TSPAN2: variants seen among roughly 807,000 people sequenced by gnomAD.
TSPAN2 encodes tetraspanin-2.
Under a neutral mutation model 33.3 loss-of-function variants are expected in TSPAN2, and 24 were observed. The ratio of observed to expected loss-of-function variants is 0.72; its 90% CI spans 0.52 to 1.01. TSPAN2 has a LOEUF of 1.01. TSPAN2 is among the 50% of genes least tolerant of loss of function. TSPAN2 has a pLI of 0.00. For missense variants in TSPAN2, 278 were observed against 281.3 expected (o/e 0.99, Z 0.08); for synonymous variants, 114 against 104.5 (o/e 1.09, Z -0.56).
chr1:115,063,833 C>A (rs1337288580), intron 2 of TSPAN2, among the ~76,000 whole-genome samples: 1 of 152,146 alleles, frequency 6.6e-6, no homozygotes, highest in African/African-American at 2.4e-5. Context: ...CATGTTCTCA[C>A]TTATAAGTAG....
rs952209910 is a variant in TSPAN2 at position 115,048,362 on chromosome 1, C to G, written c.*2128G>C. ...GTGTGTGTGTATATATATCCACACA[C>G]ACATATAAAATCTATTGTTGCTTAG... On this transcript the variant is annotated 3_prime_UTR_variant, in exon 8 of 8. Transcript: ENST00000369516. 6.6e-6 allele frequency: 1 copy of G among 150,786 alleles called. No individual in the cohort carries two copies. Among genetic ancestry groups the G allele is most frequent in the Non-Finnish European group, 1.5e-5 (1 of 67,626 alleles). The allele number at this position is 150,786 out of a possible 1,614,324, so 9.3% of individuals were successfully genotyped here. A position where few individuals can be genotyped will look rare whatever the true frequency, so the allele number is the denominator to read the frequency against.
chr1:115,049,120 G>A lies in TSPAN2; in HGVS notation c.*1370C>T, dbSNP rs894850747. ...AAATGTAGTTTTTAAAAAATCTATGGTTTACTAAATGTAACACGTTAAAAA... is the reference window on the plus strand; with the variant it reads ...AAATGTAGTTTTTAAAAAATCTATGATTTACTAAATGTAACACGTTAAAAA... On this transcript the variant is annotated 3_prime_UTR_variant, in exon 8 of 8. Coordinates refer to ENST00000369516, the MANE Select transcript of TSPAN2 (RefSeq NM_005725.6). 1.3e-5 allele frequency: 2 copies of A among 151,914 alleles called. No homozygotes were observed. The highest frequency in any genetic ancestry group is 2.9e-5 in the Non-Finnish European group (2 of 67,950). The allele number at this position is 151,914 out of a possible 1,614,324, so 9.4% of individuals were successfully genotyped here. A position where few individuals can be genotyped will look rare whatever the true frequency, so the allele number is the denominator to read the frequency against.
chr1:115,053,325 A>G, intron 7 of TSPAN2, 54 bp downstream of exon 7: 1 of 1,510,938 alleles, frequency 6.6e-7, no homozygotes, highest in Non-Finnish European at 9.2e-7. Flanking sequence ...AATAAGATGC[A>G]AAGTTTCAAG....
At chr1:115,062,060 A>G (rs11102881) in intron 3 of TSPAN2, 75 bp downstream of exon 3, 367,548 of 1,272,364 alleles carry the variant, frequency 0.29, 55,736 homozygotes, top group East Asian at 0.44. Context: ...GCCAGGGGCC[A>G]GAGGCACTGA....
At chr1:115,050,670 A>T (rs187128724) in intron 7 of TSPAN2, 115 bp from the exon 8 acceptor site, 814 of 791,262 alleles carry the variant, frequency 1.0e-3, no homozygotes, top group Non-Finnish European at 1.0e-3. Flanking sequence ...ACCAATAATT[A>T]CCAGTCACAA....
At chr1:115,059,095 A>G in intron 4 of TSPAN2, 114 bp from the exon 5 acceptor site, 1 of 818,036 alleles carries the variant, frequency 1.2e-6, no homozygotes, top group Non-Finnish European at 2.0e-6. Context: ...CCTTTCTCAT[A>G]AGAATGATAC....
intron 1 of TSPAN2, among the ~76,000 whole-genome samples, chr1:115,087,215 G>C (rs1458350287): frequency 6.6e-6 from 1 of 152,006 alleles, no homozygotes; most frequent in Non-Finnish European, 1.5e-5. Flanking sequence ...CACTGTGCCC[G>C]GCCTGAGAAT....
intron 1 of TSPAN2, among the ~76,000 whole-genome samples, chr1:115,082,519 C>T (rs1236518946): frequency 6.6e-6 from 1 of 152,218 alleles, no homozygotes; most frequent in Non-Finnish European, 1.5e-5. Context: ...ACATAGTGTA[C>T]ATTTATATAG....
intron 1 of TSPAN2, among the ~76,000 whole-genome samples, chr1:115,086,909 TTTTG>T (rs770936760): frequency 1.9e-4 from 29 of 151,732 alleles, no homozygotes; most frequent in South Asian, 6.2e-4. Context: ...GAGCTGAGAA[TTTTG>T]TTTGTTTGTT....
intron 1 of TSPAN2, among the ~76,000 whole-genome samples, chr1:115,074,327 C>A (rs79852097): frequency 6.6e-6 from 1 of 152,300 alleles, no homozygotes; most frequent in African/African-American, 2.4e-5. Context: ...TCTATGAGGA[C>A]TTTATCCCTC....
chr1:115,058,452 A>G (rs530850251), intron 5 of TSPAN2: 2 of 236,146 alleles, frequency 8.5e-6, no homozygotes, highest in Admixed American at 1.1e-4. Flanking sequence ...CTGCGTGGGT[A>G]TCAGGGAGGC....
At chr1:115,069,255 T>C (rs184417435) in intron 2 of TSPAN2, among the ~76,000 whole-genome samples, 1 of 152,242 alleles carries the variant, frequency 6.6e-6, no homozygotes, top group African/African-American at 2.4e-5. Flanking sequence ...TCCACTTCTT[T>C]TTCTCTATTA....
intron 2 of TSPAN2, among the ~76,000 whole-genome samples, chr1:115,067,048 A>T (rs182908539): frequency 6.6e-6 from 1 of 152,350 alleles, no homozygotes; most frequent in Admixed American, 6.5e-5. Context: ...CTATGCTTAA[A>T]TATGTTCATA....
chr1:115,071,893 C>A (rs982374230), intron 2 of TSPAN2, among the ~76,000 whole-genome samples: 2 of 151,564 alleles, frequency 1.3e-5, no homozygotes, highest in African/African-American at 4.9e-5. Flanking sequence ...GTGGGGCCTG[C>A]GCTCTCTCTC....
At chr1:115,068,247 C>A (rs1183697185) in intron 2 of TSPAN2, among the ~76,000 whole-genome samples, 1 of 152,216 alleles carries the variant, frequency 6.6e-6, no homozygotes, top group Non-Finnish European at 1.5e-5. Flanking sequence ...TTGACCACAC[C>A]TCTGGCTTGG....
At chr1:115,079,055 ATAAATCTACACAATG>A (rs1648520139) in intron 1 of TSPAN2, among the ~76,000 whole-genome samples, 1 of 151,584 alleles carries the variant, frequency 6.6e-6, no homozygotes, top group Admixed American at 6.6e-5. Context: ...GATACAAAGA[ATAAATCTACACAATG>A]TAAATCTACA....
At chr1:115,088,075 T>C (rs1648914249) in intron 1 of TSPAN2, among the ~76,000 whole-genome samples, 1 of 152,176 alleles carries the variant, frequency 6.6e-6, no homozygotes, top group Non-Finnish European at 1.5e-5. Context: ...CTCCCTATAG[T>C]ATGCTTGATG....
At chr1:115,059,071 T>C (rs1163567780) in intron 4 of TSPAN2, 90 bp from the exon 5 acceptor site, 1 of 966,560 alleles carries the variant, frequency 1.0e-6, no homozygotes, top group East Asian at 2.4e-5. Context: ...CTTCCACACC[T>C]TTGAAAAACA....
chr1:115,048,480 C>T lies in TSPAN2; in HGVS notation c.*2010G>A, dbSNP rs968850452. ...ATCGTACATGGAACAGAACCCTTCT[C>T]TTCTACTTTAATTAATTTCATTTTA... On this transcript the variant is annotated 3_prime_UTR_variant, in exon 8 of 8. Transcript: ENST00000369516. The T allele has an allele frequency of 6.6e-6, 1 of 151,888 alleles. No individual in the cohort carries two copies. The highest frequency in any genetic ancestry group is 1.5e-5 in the Non-Finnish European group (1 of 67,870). The allele number at this position is 151,888 out of a possible 1,614,324, so 9.4% of individuals were successfully genotyped here.
Sources: gnomAD v4.1 joint callset for allele counts (sites outside exome capture counted in the v4.1 genomes callset) on GRCh38, gnomAD v4.1.1 for gene constraint, MANE v1.5 for transcripts, NCBI Gene and HGNC (gene_info 2026-07-23, HGNC 2026-07-21) for gene names.